Variants in B4GALT4 observed in about 807,000 individuals in gnomAD.
B4GALT4 encodes the protein beta-1,4-galactosyltransferase 4, also known as N-acetyllactosamine synthase.
A neutral mutation model predicts 37.3 loss-of-function variants in B4GALT4; 27 were observed. The ratio of observed to expected loss-of-function variants is 0.72; its 90% CI spans 0.53 to 1.00. B4GALT4 has a LOEUF of 1.00. Among genes scored for constraint, B4GALT4 ranks in the 50% least tolerant of loss-of-function variants. The pLI is 0.00. For missense variants in B4GALT4, 372 were observed against 413.1 expected, an observed-to-expected ratio of 0.90 and a Z score of 0.86; for synonymous variants, 148 against 154.1, an observed-to-expected ratio of 0.96 and a Z score of 0.29.
At chr3:119,238,538 C>CA (rs1302314643) in intron 1 of B4GALT4, among the ~76,000 whole-genome samples, 1 of 151,796 alleles carries the variant, frequency 6.6e-6, no homozygotes, top group African/African-American at 2.4e-5. Flanking sequence ...CAGTTAACCA[C>CA]AAAAAAATAC....
rs182992429 is a variant in B4GALT4 at position 119,224,434 on chromosome 3, T to A, written c.487-189A>T. ...ACCATTTGATTTTTTTCTTCGTGCT[T>A]CACACATACTTATATTCCAGAACTT... is the stretch of plus-strand genomic sequence containing the variant. On this transcript the variant is annotated intron_variant, in intron 4 of 7. Transcript: ENST00000393765. Among the ~76,000 whole-genome samples, 19 of 152,388 alleles carry A rather than the reference T, an allele frequency of 1.2e-4. No homozygotes were observed. In the East Asian group the frequency reaches 3.7e-3, roughly 29 times the overall value.
chr3:119,229,900 G>A lies in B4GALT4; in HGVS notation c.200C>T (p.Ala67Val). 3.7e-6 allele frequency: 6 copies of A among 1,614,182 alleles called. No individual in the cohort carries two copies. The highest frequency in any genetic ancestry group is 5.1e-6 in the Non-Finnish European group (6 of 1,180,028). The change falls in exon 3 of 8, where the codon GCA (alanine) becomes GTA (valine). Residue 67 changes from alanine to valine, a missense_variant. Coordinates refer to ENST00000393765, the MANE Select transcript of B4GALT4 (RefSeq NM_003778.4). ...GTCAAGTTCTACCTTCTTCGTGGAT[G>A]CTTCATTAGTCAGAGTTTTTCCCTT... Reference protein sequence around the residue: ...LGKGKTLTNEASTKKVELDNC... With the variant: ...LGKGKTLTNEVSTKKVELDNC...
intron 7 of B4GALT4, 22 bp downstream of exon 7, chr3:119,216,218 G>C: frequency 6.4e-7 from 1 of 1,574,042 alleles, no homozygotes; most frequent in South Asian, 1.1e-5. Flanking sequence ...TAGCCTGCTA[G>C]GCAGGTGAAG....
chr3:119,240,102 C>T (rs1300783493), intron 1 of B4GALT4: 1 of 152,160 alleles, frequency 6.6e-6, no homozygotes, highest in Non-Finnish European at 1.5e-5. Flanking sequence ...AGTACCCTCA[C>T]CACCGCCACG....
Position 119,226,858 on chromosome 3 carries a change from G to C in B4GALT4, c.437C>G (p.Pro146Arg). The C allele has an allele frequency of 6.2e-7, 1 of 1,614,134 alleles. No individual in the cohort carries two copies. Among genetic ancestry groups the C allele is most frequent in the South Asian group, 1.1e-5 (1 of 91,070 alleles). Reference sequence around the variant, plus strand: ...ATCCAGCTGCTGCCTCTGCAGGAAGGGATGCAGATGTTCCAGCAGGTACAT... The same window carrying C: ...ATCCAGCTGCTGCCTCTGCAGGAAGCGATGCAGATGTTCCAGCAGGTACAT... ...HLMYLLEHLH[P>R]FLQRQQLDYG... The change falls in exon 4 of 8, where the codon CCC (proline) becomes CGC (arginine). Residue 146 changes from proline to arginine, a missense_variant. Coordinates refer to ENST00000393765, the MANE Select transcript of B4GALT4 (RefSeq NM_003778.4).
At position 119,229,490 on chromosome 3, in the gene B4GALT4, G is replaced by A. The variant is rs1055751629; in HGVS notation, c.253+357C>T. Among the ~76,000 whole-genome samples the A allele has an allele frequency of 5.9e-5, 9 of 152,318 alleles. No individual in the cohort carries two copies. The South Asian group carries it at 8.3e-4, about 14-fold the overall frequency. On this transcript the variant is annotated intron_variant, in intron 3 of 7. Transcript: ENST00000393765. Reference sequence around the variant, plus strand: ...AAAAGAGTACATAACGTATGCTTCCGATTTGTAAAGTTCCAAAATAGGAAA... The same window carrying A: ...AAAAGAGTACATAACGTATGCTTCCAATTTGTAAAGTTCCAAAATAGGAAA...
In B4GALT4 at chr3:119,227,015, G is replaced by A; in HGVS notation, c.280C>T (p.Pro94Ser). Residue 94 changes from proline (P) to serine (S), a missense_variant, in exon 4 of 8, where the codon CCA (proline) becomes TCA (serine). Coordinates refer to ENST00000393765, the MANE Select transcript of B4GALT4 (RefSeq NM_003778.4). ...TGTACCTCTTCCAAAGTGAGATCTGGTTTGAAAATGAGCTTGCTCTGGCCT... is the reference window on the plus strand; with the variant it reads ...TGTACCTCTTCCAAAGTGAGATCTGATTTGAAAATGAGCTTGCTCTGGCCT... Reference protein sequence around the residue: ...LRGQSKLIFKPDLTLEEVQAE... With the variant: ...LRGQSKLIFKSDLTLEEVQAE... 6.2e-7 allele frequency: 1 copy of A among 1,614,160 alleles called. No individual in the cohort carries two copies. The highest frequency in any genetic ancestry group is 1.3e-5 in the African/African-American group (1 of 75,028).
chr3:119,234,903 T>G (rs1193034055), intron 2 of B4GALT4: 4 of 152,264 alleles, frequency 2.6e-5, no homozygotes, highest in Non-Finnish European at 2.9e-5. Context: ...GTTTTCATAT[T>G]TGGTTTTCCT....
At chr3:119,214,348 G>GA (rs2078236287) in intron 7 of B4GALT4, 1 of 152,190 alleles carries the variant, frequency 6.6e-6, no homozygotes, top group African/African-American at 2.4e-5. Flanking sequence ...AATTTAAGGG[G>GA]AAAAATCAGA....
intron 5 of B4GALT4, among the ~76,000 whole-genome samples, chr3:119,220,628 C>T (rs1275078944): frequency 6.6e-6 from 1 of 152,084 alleles, no homozygotes; most frequent in Non-Finnish European, 1.5e-5. Flanking sequence ...GAGAAAGACA[C>T]AGGCTGCCCG....
At chr3:119,212,733 A>G in intron 7 of B4GALT4, 52 bp from the exon 8 acceptor site, 1 of 1,500,548 alleles carries the variant, frequency 6.7e-7, no homozygotes, top group Non-Finnish European at 8.9e-7. Context: ...ATATGTCTCC[A>G]CTGCATTTTG....
chr3:119,237,262 T>C (rs1298429376), intron 1 of B4GALT4, among the ~76,000 whole-genome samples, 192 bp from the exon 2 acceptor site: 1 of 119,154 alleles, frequency 8.4e-6, no homozygotes, highest in Non-Finnish European at 1.8e-5. Flanking sequence ...TAGGGGCACC[T>C]CACCGTAAAC....
chr3:119,224,539 G>C (rs1043729250), intron 4 of B4GALT4, among the ~76,000 whole-genome samples: 2 of 152,156 alleles, frequency 1.3e-5, no homozygotes, highest in Non-Finnish European at 2.9e-5. Context: ...TCTGGAGATT[G>C]ATTTCATAAA....
chr3:119,232,408 T>C (rs1479773056), intron 2 of B4GALT4: 1 of 152,182 alleles, frequency 6.6e-6, no homozygotes, highest in Admixed American at 6.5e-5. Flanking sequence ...TTTGGAGAGA[T>C]TTAAGTACCT....
At chr3:119,218,932 CTGTCT>C (rs1376390450) in intron 5 of B4GALT4, among the ~76,000 whole-genome samples, 160 bp from the exon 6 acceptor site, 1 of 152,056 alleles carries the variant, frequency 6.6e-6, no homozygotes, top group Non-Finnish European at 1.5e-5. Context: ...CTGGCCTTCC[CTGTCT>C]TGTCTTCTTT....
Position 119,224,119 on chromosome 3 carries a change from G to C in B4GALT4, c.613C>G (p.Leu205Val). 1 of 1,614,060 alleles carries C rather than the reference G, an allele frequency of 6.2e-7. No homozygotes were observed. The highest frequency in any genetic ancestry group is 8.5e-7 in the Non-Finnish European group (1 of 1,180,000). ...VDLVPENDFNLYKCEEHPKHL... is the reference protein window; with the variant it reads ...VDLVPENDFNVYKCEEHPKHL... ...TTGGGATGCTCCTCACACTTGTAAA[G>C]GTTAAAGTCATTCTCGGGTACCAGG... Residue 205 changes from leucine to valine, a missense_variant, in exon 5 of 8, where the codon CTT (leucine) becomes GTT (valine). By Grantham distance (32) the Leu-to-Val change is conservative. Coordinates refer to ENST00000393765, the MANE Select transcript of B4GALT4 (RefSeq NM_003778.4).
chr3:119,229,734 G>T, intron 3 of B4GALT4, 113 bp downstream of exon 3: 2 of 1,138,782 alleles, frequency 1.8e-6, no homozygotes, highest in Non-Finnish European at 1.2e-6. Flanking sequence ...TTGTGACACA[G>T]GAGATATATA....
intron 3 of B4GALT4, among the ~76,000 whole-genome samples, chr3:119,227,815 A>T (rs949557780): frequency 6.6e-6 from 1 of 152,138 alleles, no homozygotes; most frequent in South Asian, 2.1e-4. Flanking sequence ...CTTCTGAGTA[A>T]AGCAGTCATA....
chr3:119,230,178 G>A lies in B4GALT4; in HGVS notation c.-79C>T, dbSNP rs1367998369. The A allele has an allele frequency of 1.9e-6, 3 of 1,543,682 alleles. No homozygotes were observed. Among genetic ancestry groups the A allele is most frequent in the Non-Finnish European group, 2.6e-6 (3 of 1,136,576 alleles). ...GCTTCAAGTTGAGCTTTTCCAATCT[G>A]ATTGCGAACTTGATGACAACTGAAG... is the stretch of plus-strand genomic sequence containing the variant. On this transcript the variant is annotated 5_prime_UTR_variant, in exon 3 of 8. Transcript: ENST00000393765.
Sources: allele counts gnomAD v4.1 joint callset (sites outside exome capture counted in the v4.1 genomes callset), GRCh38; gene constraint gnomAD v4.1.1; transcripts MANE v1.5; gene names NCBI Gene and HGNC (gene_info 2026-07-23, HGNC 2026-07-21).